The following ZMIZ1 variants were observed in gnomAD, a reference collection of about 807,000 sequenced individuals.
ZMIZ1 encodes zinc finger MIZ domain-containing protein 1.
In ZMIZ1, 17 loss-of-function variants were observed where a neutral mutation model predicts 113.9. The ratio of observed to expected loss-of-function variants is 0.15; its 90% confidence interval spans 0.10 to 0.22. The LOEUF is 0.22. Ranked by LOEUF, ZMIZ1 falls within the 10% of genes least tolerant of loss-of-function variation. ZMIZ1 has a pLI of 1.00. For missense variants in ZMIZ1, 1,059 were observed against 1,477.8 expected (o/e 0.72, Z 4.65); for synonymous variants, 607 against 603.1 (o/e 1.01, Z -0.09).
intron 1 of ZMIZ1, among the ~76,000 whole-genome samples, chr10:79,082,825 A>G (rs1473672122): frequency 1.3e-5 from 2 of 152,102 alleles, no homozygotes; most frequent in African/African-American, 4.8e-5. Flanking sequence ...CATGCACTGA[A>G]TGGGCTGGGA....
At chr10:79,144,726 G>A (rs565948968) in intron 3 of ZMIZ1, among the ~76,000 whole-genome samples, 25 of 152,340 alleles carry the variant, frequency 1.6e-4, no homozygotes, top group East Asian at 3.9e-4. Context: ...AATAGTTTCC[G>A]TGTAAAGTTA....
intron 4 of ZMIZ1, 88 bp from the exon 5 acceptor site, chr10:79,201,496 A>G: frequency 1.1e-6 from 1 of 946,958 alleles, no homozygotes; most frequent in Non-Finnish European, 1.6e-6. Flanking sequence ...GGAACCTGCC[A>G]GTGTTGTGGC....
At position 79,095,983 on chromosome 10, in the gene ZMIZ1, C is replaced by G. The variant is rs367854870; in HGVS notation, c.-336-22932C>G. Among the ~76,000 whole-genome samples the G allele has an allele frequency of 5.3e-5, 8 of 152,332 alleles. No individual in the cohort carries two copies. The East Asian group carries it at 1.4e-3, about 26-fold the overall frequency. ...GCAGGTGGGGCCACAGGCCTCTCCCCTCTGTTTTATAGGGGAGGTAATTGA... is the reference window on the plus strand; with the variant it reads ...GCAGGTGGGGCCACAGGCCTCTCCCGTCTGTTTTATAGGGGAGGTAATTGA... On this transcript the variant is annotated intron_variant, in intron 1 of 24. Coordinates refer to ENST00000334512, the MANE Select transcript of ZMIZ1 (RefSeq NM_020338.4).
chr10:79,157,364 A>T (rs924502917), intron 3 of ZMIZ1, among the ~76,000 whole-genome samples: 5 of 100,722 alleles, frequency 5.0e-5, no homozygotes, highest in African/African-American at 2.1e-4. Context: ...CTGCAGGCAT[A>T]AGGGGTGTGT....
At chr10:79,229,522 A>G (rs893841121) in intron 7 of ZMIZ1, among the ~76,000 whole-genome samples, 1 of 152,178 alleles carries the variant, frequency 6.6e-6, no homozygotes, top group Non-Finnish European at 1.5e-5. Context: ...GGATGAAGAG[A>G]CACTATTGTC....
chr10:79,101,263 C>G (rs556477897), intron 1 of ZMIZ1, among the ~76,000 whole-genome samples: 11 of 152,240 alleles, frequency 7.2e-5, no homozygotes, highest in African/African-American at 2.6e-4. Context: ...GGGCTGAGCT[C>G]ACTGTGCTGG....
chr10:79,304,998 G>A (rs2296424), intron 19 of ZMIZ1, among the ~76,000 whole-genome samples, 166 bp from the exon 20 acceptor site: 27,180 of 152,128 alleles, frequency 0.18, 2,568 homozygotes, highest in Admixed American at 0.29. Context: ...AGGACTCTGC[G>A]TGGCAGAAAG....
chr10:79,309,929 G>T (rs1855004267), intron 23 of ZMIZ1, among the ~76,000 whole-genome samples: 1 of 152,172 alleles, frequency 6.6e-6, no homozygotes, highest in Non-Finnish European at 1.5e-5. Context: ...GTGGGATCAG[G>T]GCTTGGTCTG....
At chr10:79,186,556 C>A (rs1370135043) in intron 4 of ZMIZ1, among the ~76,000 whole-genome samples, 1 of 152,214 alleles carries the variant, frequency 6.6e-6, no homozygotes, top group Admixed American at 6.5e-5. Context: ...AGAGTATAAA[C>A]TAATGAATTA....
intron 7 of ZMIZ1, among the ~76,000 whole-genome samples, chr10:79,238,742 C>T (rs1849694876): frequency 6.6e-6 from 1 of 152,160 alleles, no homozygotes; most frequent in Admixed American, 6.5e-5. Context: ...TCATTTAAAC[C>T]CTTGGGCAAA....
At position 79,296,542 on chromosome 10, in the gene ZMIZ1, C is replaced by T. The variant is rs769001035; in HGVS notation, c.1302C>T (p.Pro434=). ...FPTQPGQYPA[P]NPPRPLTSPN... is the part of the protein sequence containing the mutation. ...CCCAGCCAGGCCAGTACCCAGCCCC[C>T]AACCCCCCGAGGCCACTCACCTCCC... The change falls in exon 13 of 25, where the codon CCC becomes CCT. Residue 434 remains proline, a synonymous_variant. Coordinates refer to ENST00000334512, the MANE Select transcript of ZMIZ1 (RefSeq NM_020338.4). This position sits in a 1 kb window ranked among gnomAD's most constrained non-coding sequence, Gnocchi z 4.1. 2 of 1,613,654 alleles carry T rather than the reference C, an allele frequency of 1.2e-6. No individual in the cohort carries two copies. Among genetic ancestry groups the T allele is most frequent in the Non-Finnish European group, 1.7e-6 (2 of 1,179,718 alleles).
At chr10:79,157,530 G>A (rs914247738) in intron 3 of ZMIZ1, among the ~76,000 whole-genome samples, 9 of 152,050 alleles carry the variant, frequency 5.9e-5, no homozygotes, top group South Asian at 2.1e-4. Context: ...TCCTTGCTCC[G>A]GCCAATGTCC....
At chr10:79,277,701 A>C (rs773822373) in intron 8 of ZMIZ1, among the ~76,000 whole-genome samples, 3 of 152,196 alleles carry the variant, frequency 2.0e-5, no homozygotes. Flanking sequence ...AGATGGGGAC[A>C]GAGCCAGCCC....
chr10:79,166,505 G>T lies in ZMIZ1; in HGVS notation c.-50+4372G>T, dbSNP rs569312223. 2.3e-3 allele frequency among the ~76,000 whole-genome samples: 346 copies of T among 152,346 alleles called. 3 individuals are homozygous for T. The highest frequency in any genetic ancestry group is 5.6e-3 in the African/African-American group (233 of 41,588). On this transcript the variant is annotated intron_variant, in intron 4 of 24. Coordinates refer to ENST00000334512, the MANE Select transcript of ZMIZ1 (RefSeq NM_020338.4). ...GTGCCGGCCACCTCCTGGCTCAGGA[G>T]TGCAGGCTGCTAGCCCACCCTGCAG... is the stretch of plus-strand genomic sequence containing the variant.
chr10:79,173,758 A>G (rs1425110425), intron 4 of ZMIZ1, among the ~76,000 whole-genome samples: 2 of 152,180 alleles, frequency 1.3e-5, no homozygotes, highest in African/African-American at 2.4e-5. Flanking sequence ...TTTAATCTTC[A>G]TAGAAATCTG....
At chr10:79,106,928 C>T (rs545582370) in intron 1 of ZMIZ1, among the ~76,000 whole-genome samples, 1 of 152,380 alleles carries the variant, frequency 6.6e-6, no homozygotes, top group African/African-American at 2.4e-5. Flanking sequence ...TTGAGTGCCC[C>T]TGCCTGAACA....
chr10:79,293,297 CCTTCCCTCCCTG>C, intron 11 of ZMIZ1, 72 bp from the exon 12 acceptor site: 1 of 1,490,554 alleles, frequency 6.7e-7, no homozygotes, highest in Non-Finnish European at 9.0e-7. Flanking sequence ...CCTCCCCAAC[CCTTCCCTCCCTG>C]CACTTTCAAT....
At chr10:79,301,085 C>T (rs770430837) in intron 17 of ZMIZ1, 143 bp downstream of exon 17, 130 of 1,244,940 alleles carry the variant, frequency 1.0e-4, no homozygotes, top group Non-Finnish European at 1.4e-4. Flanking sequence ...AAAGATACAG[C>T]GTCCCCTTAC....
At chr10:79,201,000 A>G (rs575410350) in intron 4 of ZMIZ1, among the ~76,000 whole-genome samples, 280 of 152,296 alleles carry the variant, frequency 1.8e-3, no homozygotes, top group Middle Eastern at 6.8e-3. Flanking sequence ...CAAAACACAC[A>G]TGCGCATACA....
Sources: gnomAD v4.1 joint callset for allele counts (sites outside exome capture counted in the v4.1 genomes callset) on GRCh38, gnomAD v4.1.1 for gene constraint, Gnocchi (gnomAD v3.1) non-coding constraint, MANE v1.5 for transcripts, NCBI Gene and HGNC (gene_info 2026-07-23, HGNC 2026-07-21) for gene names.